Variants in ACAP2 observed in about 807,000 individuals in gnomAD.
The protein encoded by ACAP2 is ArfGAP with coiled-coil, ankyrin repeat and PH domains 2.
A neutral mutation model predicts 115.8 loss-of-function variants in ACAP2; 39 were observed. The ratio of observed to expected loss-of-function variants is 0.34; its 90% CI spans 0.26 to 0.44. The LOEUF is 0.44. Ranked by LOEUF, ACAP2 falls within the 20% of genes least tolerant of loss-of-function variation. ACAP2 has a pLI of 1.00. For missense variants in ACAP2, 662 were observed against 927.6 expected (o/e 0.71, Z 3.72); for synonymous variants, 289 against 315.8 (o/e 0.92, Z 0.90).
chr3:195,425,658 C>T (rs1009242661), intron 1 of ACAP2, among the ~76,000 whole-genome samples: 3 of 152,130 alleles, frequency 2.0e-5, no homozygotes, highest in African/African-American at 7.2e-5. Flanking sequence ...GTGTCTCAAA[C>T]TTAACATGTA....
intron 1 of ACAP2, among the ~76,000 whole-genome samples, chr3:195,397,681 G>A (rs557229633): frequency 1.3e-5 from 2 of 151,938 alleles, no homozygotes; most frequent in South Asian, 4.2e-4. Context: ...TGAACAAGTT[G>A]TGTTTCGGTT....
rs772962821 is a variant in ACAP2 at position 195,276,688 on chromosome 3, A to G, written c.*2640T>C. ...ACTAAGATTTCTTATAATGCACTGA[A>G]TAATTCACAGCATAACATAATTCAG... On this transcript the variant is annotated 3_prime_UTR_variant, in exon 23 of 23. Transcript: ENST00000326793. 5.3e-5 allele frequency: 8 copies of G among 152,236 alleles called. No homozygotes were observed. Among genetic ancestry groups the G allele is most frequent in the Non-Finnish European group, 8.8e-5 (6 of 68,040 alleles). The allele number at this position is 152,236 out of a possible 1,614,324, so 9.4% of individuals were successfully genotyped here.
intron 10 of ACAP2, among the ~76,000 whole-genome samples, chr3:195,309,317 G>A (rs1300155572): frequency 6.6e-6 from 1 of 152,140 alleles, no homozygotes; most frequent in East Asian, 1.9e-4. Flanking sequence ...CAAAGTGAGT[G>A]GATCACCTGA....
intron 6 of ACAP2, among the ~76,000 whole-genome samples, chr3:195,341,361 G>C (rs546730885): frequency 1.7e-5 from 2 of 116,040 alleles, no homozygotes; most frequent in Admixed American, 2.5e-4. Context: ...GTCTCGCTCT[G>C]TCACCCAGGC....
intron 4 of ACAP2, among the ~76,000 whole-genome samples, chr3:195,358,507 T>G (rs1424306488): frequency 2.6e-5 from 4 of 151,968 alleles, no homozygotes; most frequent in African/African-American, 4.8e-5. Flanking sequence ...AAATTCAGAA[T>G]CCTATCAGAT....
chr3:195,431,813 C>T (rs1715151812), intron 1 of ACAP2, among the ~76,000 whole-genome samples: 1 of 152,048 alleles, frequency 6.6e-6, no homozygotes, highest in Admixed American at 6.6e-5. Flanking sequence ...TTTTACATTC[C>T]CACTGGCAGT....
chr3:195,297,105 T>C, intron 16 of ACAP2, 85 bp downstream of exon 16: 9 of 1,201,948 alleles, frequency 7.5e-6, no homozygotes, highest in Non-Finnish European at 1.1e-5. Flanking sequence ...AAACACTTTG[T>C]CTCAATGTTA....
chr3:195,391,688 C>T (rs1418179027), intron 2 of ACAP2, among the ~76,000 whole-genome samples: 1 of 151,188 alleles, frequency 6.6e-6, no homozygotes, highest in Non-Finnish European at 1.5e-5. Flanking sequence ...ATAGCATTTA[C>T]CCTCATAGAG....
At position 195,299,748 on chromosome 3, in the gene ACAP2, G is replaced by A. The variant is rs546605010; in HGVS notation, c.1395+1827C>T. 9.9e-5 allele frequency among the ~76,000 whole-genome samples: 15 copies of A among 152,208 alleles called. No individual in the cohort carries two copies. In the East Asian group the frequency reaches 2.7e-3, roughly 28 times the overall value. On this transcript the variant is annotated intron_variant, in intron 15 of 22. Coordinates refer to ENST00000326793, the MANE Select transcript of ACAP2 (RefSeq NM_012287.6). The stretch of plus-strand genomic sequence containing the variant: ...AGATACTCAGGAGGCTGAGGGAGGA[G>A]AATGGTGTGAACCCAGGAGGTGGAG...
intron 4 of ACAP2, chr3:195,349,642 T>C (rs1392325148): frequency 6.2e-6 from 1 of 161,368 alleles, no homozygotes; most frequent in Admixed American, 6.5e-5. Flanking sequence ...ATGCTCTTCT[T>C]TTCTAATTTG....
chr3:195,334,207 AAAAAAAACTATTTTC>A (rs1730356632), intron 7 of ACAP2, among the ~76,000 whole-genome samples: 1 of 140,132 alleles, frequency 7.1e-6, no homozygotes. Flanking sequence ...AAAATCCTCC[AAAAAAAACTATTTTC>A]AAAAAAAAAA....
At chr3:195,285,574 T>C (rs148065860) in intron 22 of ACAP2, 609 of 508,534 alleles carry the variant, frequency 1.2e-3, no homozygotes, top group African/African-American at 0.011. Context: ...TGTACTGTCA[T>C]AGGAAGAGTT....
chr3:195,329,941 C>T (rs933919739), intron 8 of ACAP2, among the ~76,000 whole-genome samples: 18 of 152,156 alleles, frequency 1.2e-4, no homozygotes, highest in East Asian at 7.7e-4. Context: ...TTACTCAATA[C>T]CAGTGGACCT....
At chr3:195,424,915 TAAAAAA>T (rs34038109) in intron 1 of ACAP2, among the ~76,000 whole-genome samples, 1,224 of 55,570 alleles carry the variant, frequency 0.022, 33 homozygotes, top group South Asian at 0.065. Context: ...GACCCTGTCT[TAAAAAA>T]AAAAAAAAAA....
chr3:195,422,574 T>C (rs1326493459), intron 1 of ACAP2, among the ~76,000 whole-genome samples: 3 of 152,026 alleles, frequency 2.0e-5, no homozygotes, highest in African/African-American at 7.2e-5. Flanking sequence ...GCCTCAAAAG[T>C]GATTCTCTTG....
intron 1 of ACAP2, among the ~76,000 whole-genome samples, chr3:195,415,066 A>C (rs1713599368): frequency 6.6e-6 from 1 of 152,182 alleles, no homozygotes. Context: ...ATGTCATTAT[A>C]CATTTATCTA....
intron 22 of ACAP2, among the ~76,000 whole-genome samples, chr3:195,283,081 C>G (rs1726610885): frequency 6.6e-6 from 1 of 152,172 alleles, no homozygotes; most frequent in Non-Finnish European, 1.5e-5. Flanking sequence ...TTGCTACATA[C>G]TCACATAACC....
intron 1 of ACAP2, among the ~76,000 whole-genome samples, chr3:195,400,721 G>A (rs1230025827): frequency 6.6e-6 from 1 of 152,168 alleles, no homozygotes; most frequent in African/African-American, 2.4e-5. Context: ...AGACAGCATT[G>A]TAAACTTCAT....
At chr3:195,415,181 T>C (rs995106305) in intron 1 of ACAP2, among the ~76,000 whole-genome samples, 7 of 152,092 alleles carry the variant, frequency 4.6e-5, no homozygotes, top group South Asian at 2.1e-4. Flanking sequence ...GTACAGGATG[T>C]TGATAGTGGG....
Sources: allele counts gnomAD v4.1 joint callset (sites outside exome capture counted in the v4.1 genomes callset), GRCh38; gene constraint gnomAD v4.1.1; transcripts MANE v1.5; gene names NCBI Gene and HGNC (gene_info 2026-07-23, HGNC 2026-07-21).